The following KCNMA1 variants were observed in gnomAD, a reference collection of about 807,000 sequenced individuals.
The protein encoded by KCNMA1 is potassium calcium-activated channel subfamily M alpha 1.
KCNMA1 carries 29 observed loss-of-function variants against 140.0 expected under a neutral mutation model. The ratio of observed to expected loss-of-function variants is 0.21; its 90% CI spans 0.15 to 0.28. The LOEUF (loss-of-function observed/expected upper bound fraction) is 0.28. Ranked by LOEUF, KCNMA1 falls within the 10% of genes least tolerant of loss-of-function variation. KCNMA1 has a pLI of 1.00. For synonymous variants in KCNMA1, 612 were observed against 611.9 expected (o/e 1.00, Z 0.00); for missense variants, 880 against 1,602.2 (o/e 0.55, Z 7.70).
intron 2 of KCNMA1, among the ~76,000 whole-genome samples, chr10:77,301,017 C>G (rs1312634324): frequency 2.0e-5 from 3 of 152,198 alleles, no homozygotes; most frequent in Non-Finnish European, 4.4e-5. Flanking sequence ...GCAGTGGAAT[C>G]AAGAACTCTG....
intron 1 of KCNMA1, among the ~76,000 whole-genome samples, chr10:77,416,686 C>G (rs1188042164): frequency 2.0e-5 from 3 of 152,192 alleles, no homozygotes; most frequent in African/African-American, 7.2e-5. Flanking sequence ...TGCTTCCCAC[C>G]ACTACCACCT....
intron 19 of KCNMA1, among the ~76,000 whole-genome samples, chr10:76,996,393 T>C (rs2084337217): frequency 6.6e-6 from 1 of 151,940 alleles, no homozygotes; most frequent in Non-Finnish European, 1.5e-5. Context: ...CCAATAAGAG[T>C]GTCTTAAGAA....
intron 2 of KCNMA1, among the ~76,000 whole-genome samples, chr10:77,381,645 T>C (rs868854327): frequency 6.6e-6 from 1 of 152,146 alleles, no homozygotes; most frequent in African/African-American, 2.4e-5. Context: ...ACTTTTTTTT[T>C]AAATCCCTAC....
Position 77,266,330 on chromosome 10 carries a change from T to G in KCNMA1, c.541-15074A>C, listed in dbSNP as rs182509925. ...GAACCCAGGGTCATGACTCTGTCTG[T>G]TTTTCCCAGCTATATCTAAGACTTA... On this transcript the variant is annotated intron_variant, in intron 2 of 27. Transcript: ENST00000286628. 2.2e-3 allele frequency among the ~76,000 whole-genome samples: 339 copies of G among 152,256 alleles called. 2 individuals carry two copies. Among genetic ancestry groups the G allele is most frequent in the Non-Finnish European group, 5.6e-4 (38 of 68,026 alleles).
At chr10:77,603,648 C>T (rs901099455) in intron 1 of KCNMA1, among the ~76,000 whole-genome samples, 1 of 152,158 alleles carries the variant, frequency 6.6e-6, no homozygotes, top group African/African-American at 2.4e-5. Flanking sequence ...GGCGAGTTCA[C>T]ACCCAACCAC....
chr10:77,172,792 CA>C (rs543339617), intron 5 of KCNMA1, among the ~76,000 whole-genome samples: 75 of 151,972 alleles, frequency 4.9e-4, no homozygotes, highest in South Asian at 4.4e-3. Flanking sequence ...TTATAAACAA[CA>C]GCAATTGATT....
intron 23 of KCNMA1, among the ~76,000 whole-genome samples, chr10:76,933,682 G>A (rs146175491): frequency 6.6e-6 from 1 of 152,198 alleles, no homozygotes; most frequent in African/African-American, 2.4e-5. Context: ...AGCCACCTCT[G>A]CCTTCTCATA....
intron 2 of KCNMA1, among the ~76,000 whole-genome samples, chr10:77,329,953 T>A (rs1211891901): frequency 6.6e-6 from 1 of 152,236 alleles, no homozygotes; most frequent in African/African-American, 2.4e-5. Context: ...GCTTGCCACA[T>A]TGTACAACCC....
chr10:77,217,101 T>C (rs2048022771), intron 3 of KCNMA1, among the ~76,000 whole-genome samples: 1 of 152,076 alleles, frequency 6.6e-6, no homozygotes, highest in South Asian at 2.1e-4. Flanking sequence ...GGTCAGGAGA[T>C]TGAGACCAGC....
intron 10 of KCNMA1, among the ~76,000 whole-genome samples, chr10:77,089,341 T>C (rs2096764199): frequency 1.3e-5 from 2 of 152,130 alleles, no homozygotes; most frequent in Non-Finnish European, 1.5e-5. Flanking sequence ...AGCACAAACA[T>C]GTTAGCTTTG....
At chr10:77,300,373 T>G (rs1308906805) in intron 2 of KCNMA1, among the ~76,000 whole-genome samples, 1 of 152,080 alleles carries the variant, frequency 6.6e-6, no homozygotes, top group Non-Finnish European at 1.5e-5. Context: ...GTGCCTCAAC[T>G]CCCTCCCCCA....
At chr10:77,123,134 C>G (rs1465397498) in intron 5 of KCNMA1, among the ~76,000 whole-genome samples, 1 of 129,168 alleles carries the variant, frequency 7.7e-6, no homozygotes, top group African/African-American at 2.9e-5. Flanking sequence ...AAGCCGAGAT[C>G]GCGCCACTGC....
chr10:77,414,430 G>A (rs1566691479), intron 1 of KCNMA1, among the ~76,000 whole-genome samples: 1 of 152,148 alleles, frequency 6.6e-6, no homozygotes, highest in Non-Finnish European at 1.5e-5. Context: ...TGTCCTTGGT[G>A]ATTTTACACC....
At chr10:77,481,314 T>C (rs1338854430) in intron 1 of KCNMA1, among the ~76,000 whole-genome samples, 1 of 151,932 alleles carries the variant, frequency 6.6e-6, no homozygotes, top group Non-Finnish European at 1.5e-5. Flanking sequence ...AACAAATAAA[T>C]TTGTTGATGG....
chr10:77,282,272 C>G (rs1449209369), intron 2 of KCNMA1, among the ~76,000 whole-genome samples: 1 of 152,130 alleles, frequency 6.6e-6, no homozygotes. Flanking sequence ...CATCAGGCTT[C>G]CTCTCCCTAA....
At chr10:76,962,550 CAA>C (rs962938783) in intron 20 of KCNMA1, among the ~76,000 whole-genome samples, 7 of 152,284 alleles carry the variant, frequency 4.6e-5, no homozygotes, top group African/African-American at 1.7e-4. Context: ...ATGGGGCTAA[CAA>C]GACATTTCTC....
chr10:76,992,284 C>T (rs2083004730), intron 19 of KCNMA1, among the ~76,000 whole-genome samples: 1 of 152,184 alleles, frequency 6.6e-6, no homozygotes, highest in Admixed American at 6.5e-5. Context: ...AGAATGTCTC[C>T]TCAGAATAAA....
intron 3 of KCNMA1, among the ~76,000 whole-genome samples, chr10:77,222,556 C>T (rs530850767): frequency 7.9e-5 from 12 of 152,326 alleles, no homozygotes; most frequent in African/African-American, 2.9e-4. Context: ...GGTCAGTTCG[C>T]TGCTCTGGGG....
chr10:77,560,958 T>C (rs2066164645), intron 1 of KCNMA1, among the ~76,000 whole-genome samples: 1 of 152,124 alleles, frequency 6.6e-6, no homozygotes. Context: ...TCTCTACAGG[T>C]GGTCTAGCCC....
Sources: allele counts gnomAD v4.1 joint callset (sites outside exome capture counted in the v4.1 genomes callset), GRCh38; gene constraint gnomAD v4.1.1; transcripts MANE v1.5; gene names NCBI Gene and HGNC (gene_info 2026-07-23, HGNC 2026-07-21).